MAGI2: variants seen among roughly 807,000 people sequenced by gnomAD.
MAGI2 encodes membrane-associated guanylate kinase, WW and PDZ domain-containing protein 2.
MAGI2 carries 35 observed loss-of-function variants against 133.3 expected under a neutral mutation model. The observed-to-expected ratio is 0.26, with a 90% CI of 0.20 to 0.35. The LOEUF (loss-of-function observed/expected upper bound fraction) is 0.35. Ranked by LOEUF, MAGI2 falls within the 10% of genes least tolerant of loss-of-function variation. MAGI2 has a pLI of 1.00. For synonymous variants in MAGI2, 729 were observed against 710.6 expected (o/e 1.03, Z -0.41); for missense variants, 1,636 against 1,863.4 (o/e 0.88, Z 2.25).
chr7:79,113,848 C>T (rs1184628057), intron 1 of MAGI2, among the ~76,000 whole-genome samples: 2 of 150,454 alleles, frequency 1.3e-5, no homozygotes, highest in South Asian at 2.1e-4. Flanking sequence ...TCCTTTCAAC[C>T]TTCATTCATC....
At chr7:78,512,908 A>G (rs996203827) in intron 4 of MAGI2, among the ~76,000 whole-genome samples, 2 of 152,234 alleles carry the variant, frequency 1.3e-5, no homozygotes, top group Non-Finnish European at 2.9e-5. Flanking sequence ...ACTAAATTGA[A>G]AAGAATCACA....
intron 1 of MAGI2, among the ~76,000 whole-genome samples, chr7:79,318,461 T>A (rs571442630): frequency 6.6e-6 from 1 of 152,230 alleles, no homozygotes; most frequent in African/African-American, 2.4e-5. Flanking sequence ...TGGAATTACA[T>A]CTGTCTCAAA....
chr7:78,733,793 A>G (rs1403591723), intron 2 of MAGI2, among the ~76,000 whole-genome samples: 5 of 152,192 alleles, frequency 3.3e-5, no homozygotes, highest in Admixed American at 6.5e-5. Context: ...ATTTGTGACT[A>G]TAAGATCAAT....
At chr7:79,119,811 A>G (rs1448489829) in intron 1 of MAGI2, among the ~76,000 whole-genome samples, 1 of 152,068 alleles carries the variant, frequency 6.6e-6, no homozygotes, top group Non-Finnish European at 1.5e-5. Flanking sequence ...TTTATAATGT[A>G]TTATGGTGTG....
chr7:78,070,124 C>T (rs1466490716), intron 21 of MAGI2, among the ~76,000 whole-genome samples: 13 of 108,642 alleles, frequency 1.2e-4, no homozygotes, highest in African/African-American at 1.8e-4. Flanking sequence ...CACACACACA[C>T]ACATATATGT....
chr7:78,202,093 A>G (rs1829305396), intron 10 of MAGI2, among the ~76,000 whole-genome samples: 1 of 152,174 alleles, frequency 6.6e-6, no homozygotes, highest in South Asian at 2.1e-4. Context: ...ATCTTTTCAT[A>G]TATCTTCCTT....
intron 1 of MAGI2, among the ~76,000 whole-genome samples, chr7:79,449,898 A>ATATATATAT (rs1392951061): frequency 7.1e-6 from 1 of 141,146 alleles, no homozygotes; most frequent in African/African-American, 2.6e-5. Flanking sequence ...ATATATATAT[A>ATATATATAT]ATGTCTTAAA....
chr7:78,666,023 G>T (rs1022235915), intron 2 of MAGI2, among the ~76,000 whole-genome samples: 1 of 152,102 alleles, frequency 6.6e-6, no homozygotes, highest in Non-Finnish European at 1.5e-5. Context: ...GAAAGTATGA[G>T]GCCAGTTTCC....
intron 1 of MAGI2, among the ~76,000 whole-genome samples, chr7:79,207,320 C>T (rs1829139145): frequency 6.6e-6 from 1 of 151,732 alleles, no homozygotes; most frequent in Non-Finnish European, 1.5e-5. Context: ...TATAGAAAAC[C>T]CTACAGATGC....
At chr7:79,330,878 A>C (rs1446114171) in intron 1 of MAGI2, among the ~76,000 whole-genome samples, 1 of 152,190 alleles carries the variant, frequency 6.6e-6, no homozygotes, top group Non-Finnish European at 1.5e-5. Context: ...AACAATTTAT[A>C]TTTCAAATAA....
intron 1 of MAGI2, among the ~76,000 whole-genome samples, chr7:79,097,806 C>T (rs972342845): frequency 2.0e-5 from 3 of 152,140 alleles, no homozygotes; most frequent in African/African-American, 7.2e-5. Context: ...TACATGACCA[C>T]TTTCAGAAAA....
chr7:79,020,901 GA>G (rs1364211489), intron 1 of MAGI2, among the ~76,000 whole-genome samples: 2 of 152,210 alleles, frequency 1.3e-5, no homozygotes, highest in Non-Finnish European at 2.9e-5. Flanking sequence ...GGCCTAGGAG[GA>G]AAAATGGTTT....
chr7:78,565,081 C>G (rs192917560), intron 3 of MAGI2, among the ~76,000 whole-genome samples: 1 of 151,618 alleles, frequency 6.6e-6, no homozygotes, highest in Non-Finnish European at 1.5e-5. Flanking sequence ...GTGTGAGCAC[C>G]GCGCCCGGCC....
chr7:78,373,815 G>A (rs1794176138), intron 6 of MAGI2, among the ~76,000 whole-genome samples: 1 of 152,000 alleles, frequency 6.6e-6, no homozygotes, highest in South Asian at 2.1e-4. Flanking sequence ...AATATCCAGT[G>A]TTTAGCTCCC....
At chr7:78,949,397 T>A (rs937819947) in intron 2 of MAGI2, among the ~76,000 whole-genome samples, 2 of 152,186 alleles carry the variant, frequency 1.3e-5, no homozygotes, top group Non-Finnish European at 2.9e-5. Flanking sequence ...AGTCTTGGCC[T>A]GCTCTGCTTT....
intron 1 of MAGI2, among the ~76,000 whole-genome samples, chr7:79,323,149 C>T (rs1450120085): frequency 4.6e-5 from 7 of 152,092 alleles, no homozygotes; most frequent in Non-Finnish European, 1.0e-4. Context: ...TTTTAAATGA[C>T]GTCCTCCTTC....
chr7:78,911,662 G>T (rs1010577984), intron 2 of MAGI2, among the ~76,000 whole-genome samples: 1 of 100,172 alleles, frequency 1.0e-5, no homozygotes, highest in African/African-American at 5.5e-5. Flanking sequence ...AAAATTATGT[G>T]TGTATATATA....
intron 1 of MAGI2, among the ~76,000 whole-genome samples, chr7:79,099,976 C>T (rs767985907): frequency 6.6e-6 from 1 of 152,162 alleles, no homozygotes; most frequent in African/African-American, 2.4e-5. Flanking sequence ...CTACACTTTT[C>T]TCTTTGCATA....
intron 1 of MAGI2, among the ~76,000 whole-genome samples, chr7:79,044,991 T>C (rs957062387): frequency 6.6e-6 from 1 of 152,242 alleles, no homozygotes; most frequent in South Asian, 2.1e-4. Flanking sequence ...TGAATGTTCT[T>C]AGCAACCTAA....
Sources: gnomAD v4.1 joint callset for allele counts (sites outside exome capture counted in the v4.1 genomes callset) on GRCh38, gnomAD v4.1.1 for gene constraint, MANE v1.5 for transcripts, NCBI Gene and HGNC (gene_info 2026-07-23, HGNC 2026-07-21) for gene names.